ELMO1: variants seen among roughly 807,000 people sequenced by gnomAD.
ELMO1 encodes the protein engulfment and cell motility protein 1.
Under a neutral mutation model 98.9 loss-of-function variants are expected in ELMO1, and 26 were observed. The observed-to-expected ratio is 0.26, with a 90% CI of 0.19 to 0.36. The LOEUF (loss-of-function observed/expected upper bound fraction) is 0.36. Among genes scored for constraint, ELMO1 ranks in the 10% least tolerant of loss-of-function variants. The probability of loss-of-function intolerance (pLI) is 1.00; values close to 1 mark genes in which losing one functional copy is unlikely to be tolerated. For missense variants in ELMO1, 627 were observed against 935.2 expected (o/e 0.67, Z 4.30); for synonymous variants, 346 against 346.0 (o/e 1.00, Z 0.00).
intron 15 of ELMO1, among the ~76,000 whole-genome samples, chr7:37,034,083 A>T (rs1011265940): frequency 2.6e-5 from 4 of 152,348 alleles, no homozygotes; most frequent in Non-Finnish European, 5.9e-5. Context: ...TCAGAGGGAA[A>T]AAAATGTGTA....
rs572366018 is a variant in ELMO1 at position 36,881,805 on chromosome 7, C to T, written c.1715-3688G>A. On this transcript the variant is annotated intron_variant, in intron 18 of 21. Coordinates refer to ENST00000310758, the MANE Select transcript of ELMO1 (RefSeq NM_014800.11). ...CTGTCAACTGTAATTTTTGCAGTGCCCTCCTACAGAACTTCCTACAATGAT... is the reference window on the plus strand; with the variant it reads ...CTGTCAACTGTAATTTTTGCAGTGCTCTCCTACAGAACTTCCTACAATGAT... Among the ~76,000 whole-genome samples the T allele has an allele frequency of 2.0e-5, 3 of 152,256 alleles. No individual in the cohort carries two copies. The South Asian group carries it at 6.2e-4, about 32-fold the overall frequency.
chr7:37,431,069 G>A (rs143316604), intron 1 of ELMO1, among the ~76,000 whole-genome samples: 1 of 152,320 alleles, frequency 6.6e-6, no homozygotes, highest in Non-Finnish European at 1.5e-5. Flanking sequence ...AGGTGCAGTG[G>A]CTCCTTCCAG....
chr7:37,119,301 C>G (rs1184757379), intron 14 of ELMO1, among the ~76,000 whole-genome samples: 1 of 152,188 alleles, frequency 6.6e-6, no homozygotes, highest in Admixed American at 6.5e-5. Flanking sequence ...GTTTCTTTAT[C>G]TTCCCATGTC....
chr7:37,080,107 C>G (rs570154968), intron 15 of ELMO1, among the ~76,000 whole-genome samples: 2 of 152,166 alleles, frequency 1.3e-5, no homozygotes, highest in African/African-American at 2.4e-5. Flanking sequence ...CTCTTATTCC[C>G]CACTCCACAT....
At chr7:37,177,364 G>A (rs1218207233) in intron 13 of ELMO1, among the ~76,000 whole-genome samples, 1 of 152,148 alleles carries the variant, frequency 6.6e-6, no homozygotes, top group Non-Finnish European at 1.5e-5. Context: ...GAAGTGGCAT[G>A]GGAATAGTGC....
chr7:37,399,240 C>G (rs1296247204), intron 1 of ELMO1, among the ~76,000 whole-genome samples: 1 of 152,192 alleles, frequency 6.6e-6, no homozygotes, highest in African/African-American at 2.4e-5. Flanking sequence ...CAAACTCGTG[C>G]AGAAGGGAGA....
At chr7:36,885,668 C>A (rs73689675) in intron 18 of ELMO1, among the ~76,000 whole-genome samples, 4 of 152,122 alleles carry the variant, frequency 2.6e-5, no homozygotes, top group African/African-American at 9.7e-5. Flanking sequence ...GGCATACAAC[C>A]GACTCTCTGA....
intron 16 of ELMO1, among the ~76,000 whole-genome samples, chr7:36,995,571 G>A (rs911202943): frequency 6.6e-6 from 1 of 151,382 alleles, no homozygotes; most frequent in Non-Finnish European, 1.5e-5. Context: ...ATATAATTTT[G>A]CAGGCTGCTC....
intron 8 of ELMO1, 61 bp downstream of exon 8, chr7:37,233,034 G>C: frequency 7.2e-7 from 1 of 1,388,062 alleles, no homozygotes; most frequent in Non-Finnish European, 1.0e-6. Flanking sequence ...CCTCAAAGCA[G>C]AGAAAAATAG....
intron 1 of ELMO1, among the ~76,000 whole-genome samples, chr7:37,402,929 G>T (rs1394410269): frequency 2.6e-5 from 4 of 152,056 alleles, no homozygotes; most frequent in Non-Finnish European, 5.9e-5. Context: ...ATACAATCTG[G>T]CAATAATGCT....
chr7:37,038,198 C>T (rs936302195), intron 15 of ELMO1, among the ~76,000 whole-genome samples: 5 of 152,194 alleles, frequency 3.3e-5, no homozygotes, highest in Non-Finnish European at 5.9e-5. Flanking sequence ...CCACCTTCAT[C>T]CTCACCCTCC....
At chr7:37,372,084 C>A (rs987743032) in intron 1 of ELMO1, among the ~76,000 whole-genome samples, 2 of 151,854 alleles carry the variant, frequency 1.3e-5, no homozygotes, top group African/African-American at 4.8e-5. Context: ...TTCTCTTGAC[C>A]TTTTGCAGTG....
chr7:37,188,284 CACTT>C (rs1160920954), intron 13 of ELMO1, among the ~76,000 whole-genome samples: 13 of 151,862 alleles, frequency 8.6e-5, no homozygotes, highest in Non-Finnish European at 1.9e-4. Flanking sequence ...TTCCAAATGA[CACTT>C]ACTGATGAGA....
intron 1 of ELMO1, among the ~76,000 whole-genome samples, chr7:37,442,332 C>T (rs1366960951): frequency 2.0e-5 from 3 of 152,134 alleles, no homozygotes; most frequent in Non-Finnish European, 4.4e-5. Context: ...CCATCACGGT[C>T]AAAGGACTCC....
intron 13 of ELMO1, among the ~76,000 whole-genome samples, chr7:37,181,621 T>A (rs777192777): frequency 9.2e-5 from 14 of 152,114 alleles, no homozygotes; most frequent in Non-Finnish European, 1.5e-4. Flanking sequence ...AAAGAAATTC[T>A]CAATAAATAT....
intron 2 of ELMO1, among the ~76,000 whole-genome samples, chr7:37,320,021 G>A (rs563274918): frequency 2.6e-4 from 40 of 152,120 alleles, no homozygotes; most frequent in Non-Finnish European, 4.6e-4. Flanking sequence ...TTTGGGAGGC[G>A]GAGGTGGGCG....
chr7:36,983,624 T>C (rs1262994464), intron 16 of ELMO1, among the ~76,000 whole-genome samples: 3 of 152,196 alleles, frequency 2.0e-5, no homozygotes, highest in Non-Finnish European at 4.4e-5. Flanking sequence ...CTTAGTCCCA[T>C]TAGGGCTGCT....
intron 15 of ELMO1, among the ~76,000 whole-genome samples, chr7:37,014,430 A>T (rs58283917): frequency 0.011 from 1,702 of 151,774 alleles, 19 homozygotes; most frequent in African/African-American, 0.031. Context: ...CTCTTTTTTT[A>T]AAAAAAATAT....
chr7:37,439,654 A>G (rs1194321833), intron 1 of ELMO1, among the ~76,000 whole-genome samples: 1 of 152,242 alleles, frequency 6.6e-6, no homozygotes, highest in Admixed American at 6.5e-5. Context: ...GGATAAGCTC[A>G]ACATCTGTTT....
Sources: gnomAD v4.1 joint callset for allele counts (sites outside exome capture counted in the v4.1 genomes callset) on GRCh38, gnomAD v4.1.1 for gene constraint, MANE v1.5 for transcripts, NCBI Gene and HGNC (gene_info 2026-07-23, HGNC 2026-07-21) for gene names.